The following RBMS1 variants were observed in gnomAD, a reference collection of about 807,000 sequenced individuals.
RBMS1 encodes RNA-binding motif, single-stranded-interacting protein 1.
In RBMS1, 17 loss-of-function variants were observed where a neutral mutation model predicts 62.3. The ratio of observed to expected loss-of-function variants is 0.27; its 90% CI spans 0.19 to 0.41. The LOEUF is 0.41. RBMS1 is among the 10% of genes least tolerant of loss of function. The pLI is 1.00. For missense variants in RBMS1, 334 were observed against 504.5 expected, an observed-to-expected ratio of 0.66 and a Z score of 3.24; for synonymous variants, 172 against 170.0, an observed-to-expected ratio of 1.01 and a Z score of -0.09.
At chr2:160,282,589 G>A (rs2105932792) in intron 9 of RBMS1, 1 of 198,818 alleles carries the variant, frequency 5.0e-6, no homozygotes, top group Middle Eastern at 2.1e-3. Flanking sequence ...ATAGCTTATA[G>A]CATTACAGGA....
chr2:160,284,506 T>G lies in RBMS1; in HGVS notation c.900+269A>C. ...CATGGTGTCCAAAAGCAGGGCCCCT[T>G]GGTGAAGGAAGTGTTTGGGTTCATT... On this transcript the variant is annotated intron_variant, in intron 9 of 13. Coordinates refer to ENST00000348849, the MANE Select transcript of RBMS1 (RefSeq NM_016836.4). 7.0e-6 allele frequency: 3 copies of G among 426,714 alleles called. 1 individual carries two copies. The South Asian group carries it at 7.3e-5, about 10-fold the overall frequency. 26.4% of individuals were successfully genotyped at this position (426,714 alleles called of 1,614,324 possible). A position where few individuals can be genotyped will look rare whatever the true frequency, so the allele number is the denominator to read the frequency against.
chr2:160,339,286 C>G (rs1691739459), intron 2 of RBMS1, among the ~76,000 whole-genome samples: 1 of 152,182 alleles, frequency 6.6e-6, no homozygotes, highest in Non-Finnish European at 1.5e-5. Flanking sequence ...TTTTGAATAA[C>G]ATGACCATCT....
intron 1 of RBMS1, among the ~76,000 whole-genome samples, chr2:160,450,564 G>GAAAAAAAAAAAAAAAAA (rs1181640365): frequency 3.5e-5 from 2 of 56,580 alleles, no homozygotes; most frequent in African/African-American, 8.1e-5. Context: ...AATAAAAAAT[G>GAAAAAAAAAAAAAAAAA]AAAAAAAAAA....
At chr2:160,466,491 C>T (rs1403984465) in intron 1 of RBMS1, among the ~76,000 whole-genome samples, 1 of 152,064 alleles carries the variant, frequency 6.6e-6, no homozygotes, top group African/African-American at 2.4e-5. Context: ...AGAATTGGAA[C>T]AGTGAAGTCC....
chr2:160,433,021 C>A (rs1234696531), intron 1 of RBMS1, among the ~76,000 whole-genome samples: 1 of 152,122 alleles, frequency 6.6e-6, no homozygotes, highest in Non-Finnish European at 1.5e-5. Context: ...GAGTTACGAG[C>A]TACTCTTCTC....
intron 11 of RBMS1, chr2:160,277,872 T>C (rs1687917436): frequency 6.4e-6 from 1 of 157,406 alleles, no homozygotes; most frequent in Non-Finnish European, 1.4e-5. Flanking sequence ...AGTCATCCTT[T>C]CCCAAAGGCA....
chr2:160,277,347 A>G lies in RBMS1; in HGVS notation c.1099T>C (p.Leu367=). The G allele has an allele frequency of 6.2e-7, 1 of 1,613,736 alleles. No homozygotes were observed. The highest frequency in any genetic ancestry group is 1.1e-5 in the South Asian group (1 of 91,072). Residue 367 remains leucine, a synonymous_variant, in exon 12 of 14, where the codon TTG becomes CTG. Coordinates refer to ENST00000348849, the MANE Select transcript of RBMS1 (RefSeq NM_016836.4). ...GTCTGCATATGTGCATACTGTGGCA[A>G]GTAGGCTCCTTGCATAGCTGACGTT... ...PATSAMQGAY[L]PQYAHMQTTA...
Position 160,305,586 on chromosome 2 carries a change from G to A in RBMS1, c.403-2099C>T, listed in dbSNP as rs115453354. On this transcript the variant is annotated intron_variant, in intron 4 of 13. Transcript: ENST00000348849. ...AATGCATTCACCAGAATATATCCCC[G>A]TCATTAAGCAACACATGATTGCACA... Among the ~76,000 whole-genome samples the A allele has an allele frequency of 2.9e-3, 441 of 152,146 alleles. 5 individuals carry two copies. Among genetic ancestry groups the A allele is most frequent in the African/African-American group, 9.8e-3 (406 of 41,510 alleles).
intron 4 of RBMS1, among the ~76,000 whole-genome samples, chr2:160,306,597 T>C (rs1391050896): frequency 6.6e-6 from 1 of 151,918 alleles, no homozygotes; most frequent in African/African-American, 2.4e-5. Context: ...TTACAAACAT[T>C]GTCCACAAAG....
intron 9 of RBMS1, chr2:160,282,278 C>G (rs1191672486): frequency 7.3e-7 from 1 of 1,367,798 alleles, no homozygotes; most frequent in Non-Finnish European, 9.8e-7. Flanking sequence ...AGCCCCGATA[C>G]TTGTTTTCTC....
At chr2:160,458,383 T>C (rs913739503) in intron 1 of RBMS1, among the ~76,000 whole-genome samples, 2 of 152,222 alleles carry the variant, frequency 1.3e-5, no homozygotes, top group African/African-American at 4.8e-5. Context: ...GTTACTTAAA[T>C]CTTTACACAG....
chr2:160,385,516 C>T (rs2105198173), intron 1 of RBMS1, among the ~76,000 whole-genome samples: 1 of 152,342 alleles, frequency 6.6e-6, no homozygotes, highest in South Asian at 2.1e-4. Context: ...CTGTTCCAGA[C>T]TGTCATTGTT....
intron 6 of RBMS1, among the ~76,000 whole-genome samples, chr2:160,290,518 A>G (rs1439582677): frequency 2.0e-5 from 3 of 152,192 alleles, no homozygotes; most frequent in African/African-American, 7.2e-5. Context: ...AAAATGATAT[A>G]ACCTACCCTT....
chr2:160,372,980 T>C (rs1693805477), intron 1 of RBMS1, among the ~76,000 whole-genome samples: 1 of 151,744 alleles, frequency 6.6e-6, no homozygotes, highest in Admixed American at 6.6e-5. Flanking sequence ...AATAATCAAT[T>C]AATCCCATTT....
intron 1 of RBMS1, among the ~76,000 whole-genome samples, chr2:160,426,282 A>G (rs1206725223): frequency 3.6e-5 from 4 of 111,798 alleles, no homozygotes; most frequent in South Asian, 6.5e-4. Context: ...AGAAAGAAAG[A>G]AAGAAAGAAA....
chr2:160,421,046 G>A (rs1160911638), intron 1 of RBMS1, among the ~76,000 whole-genome samples: 1 of 152,036 alleles, frequency 6.6e-6, no homozygotes. Context: ...ATGGTTGACC[G>A]TTCTGTCTTC....
intron 1 of RBMS1, among the ~76,000 whole-genome samples, chr2:160,396,615 G>C (rs564784015): frequency 7.1e-6 from 1 of 140,646 alleles, no homozygotes; most frequent in East Asian, 2.1e-4. Context: ...GCCTAGGCTG[G>C]AGTACAGTGG....
At chr2:160,469,702 G>A (rs1312894765) in intron 1 of RBMS1, among the ~76,000 whole-genome samples, 1 of 152,154 alleles carries the variant, frequency 6.6e-6, no homozygotes, top group African/African-American at 2.4e-5. Flanking sequence ...GCGTATCAAC[G>A]CAGAAATGAT....
intron 6 of RBMS1, among the ~76,000 whole-genome samples, chr2:160,293,210 C>G (rs1688768070): frequency 6.6e-6 from 1 of 152,128 alleles, no homozygotes; most frequent in Non-Finnish European, 1.5e-5. Context: ...GCAATAAAAA[C>G]CTTTGAAAAA....
Sources: allele counts gnomAD v4.1 joint callset (sites outside exome capture counted in the v4.1 genomes callset), GRCh38; gene constraint gnomAD v4.1.1; transcripts MANE v1.5; gene names NCBI Gene and HGNC (gene_info 2026-07-23, HGNC 2026-07-21).